Variants in PHF24 observed in about 807,000 individuals in gnomAD.
PHF24 encodes the protein PHD finger protein 24.
PHF24 carries 25 observed loss-of-function variants against 42.6 expected under a neutral mutation model. That is an observed-to-expected ratio of 0.59 (90% CI 0.43 to 0.82). The LOEUF (loss-of-function observed/expected upper bound fraction) is 0.82, where lower values mean the gene tolerates loss of function less well. Ranked by LOEUF, PHF24 falls within the 40% of genes least tolerant of loss-of-function variation. The pLI is 0.00. For missense variants in PHF24, 470 were observed against 538.1 expected (o/e 0.87, Z 1.25); for synonymous variants, 185 against 204.8 (o/e 0.90, Z 0.83).
the PHF24 span, among the ~76,000 whole-genome samples, chr9:34,801,838 T>A: frequency 2.1e-5 from 3 of 143,976 alleles, no homozygotes; most frequent in Non-Finnish European, 4.5e-5. Context: ...ATGTTCTCAC[T>A]CATAAGTGGG....
the PHF24 span, among the ~76,000 whole-genome samples, chr9:34,789,794 C>T: frequency 6.6e-6 from 1 of 152,170 alleles, no homozygotes; most frequent in Non-Finnish European, 1.5e-5. Flanking sequence ...GTGCCATAGT[C>T]AACTATGAGC....
At chr9:34,734,974 A>G in the PHF24 span, among the ~76,000 whole-genome samples, 1 of 152,218 alleles carries the variant, frequency 6.6e-6, no homozygotes, top group Non-Finnish European at 1.5e-5. Context: ...TGACAGTAAC[A>G]TAGCAAGAAC....
the PHF24 span, among the ~76,000 whole-genome samples, chr9:34,670,260 TCAAAA>T: frequency 6.6e-6 from 1 of 152,214 alleles, no homozygotes; most frequent in Non-Finnish European, 1.5e-5. Flanking sequence ...TAGCAAATTA[TCAAAA>T]CTGACGGGTT....
At chr9:34,815,324 T>C in the PHF24 span, among the ~76,000 whole-genome samples, 1 of 25,952 alleles carries the variant, frequency 3.9e-5, no homozygotes, top group Non-Finnish European at 9.9e-5. Flanking sequence ...TCTTTTTTTG[T>C]TTGTTTGTTT....
the PHF24 span, among the ~76,000 whole-genome samples, chr9:34,860,817 A>G: frequency 6.6e-6 from 1 of 152,156 alleles, no homozygotes; most frequent in East Asian, 1.9e-4. Flanking sequence ...ACTGAGCCAC[A>G]TTAGCCCTCC....
At chr9:34,876,475 T>C in the PHF24 span, among the ~76,000 whole-genome samples, 1 of 152,178 alleles carries the variant, frequency 6.6e-6, no homozygotes, top group East Asian at 1.9e-4. Flanking sequence ...AAAAGATCCA[T>C]AGTCAACAAC....
the PHF24 span, among the ~76,000 whole-genome samples, chr9:34,840,852 A>G: frequency 1.3e-5 from 2 of 152,150 alleles, no homozygotes; most frequent in Non-Finnish European, 2.9e-5. Flanking sequence ...CAAACCTTAT[A>G]TAATATAAAT....
At chr9:34,925,992 C>G in the PHF24 span, among the ~76,000 whole-genome samples, 1 of 152,142 alleles carries the variant, frequency 6.6e-6, no homozygotes, top group Non-Finnish European at 1.5e-5. Context: ...ATGGGGTGTA[C>G]TGGCCTTGGT....
chr9:34,699,690 A>T, the PHF24 span, among the ~76,000 whole-genome samples: 2 of 152,210 alleles, frequency 1.3e-5, no homozygotes, highest in Non-Finnish European at 2.9e-5. Context: ...TGAAATAATG[A>T]AATAATAATA....
chr9:34,959,209 A>G (rs1452168728), intron 1 of PHF24, among the ~76,000 whole-genome samples: 3 of 152,232 alleles, frequency 2.0e-5, no homozygotes, highest in Non-Finnish European at 4.4e-5. Context: ...ACCGTGCGGA[A>G]GGAAGCAGTA....
chr9:34,763,750 G>A, the PHF24 span, among the ~76,000 whole-genome samples: 1 of 152,214 alleles, frequency 6.6e-6, no homozygotes, highest in Non-Finnish European at 1.5e-5. Flanking sequence ...TAGGAGTGGT[G>A]AGAGAGGGCA....
chr9:34,821,069 AG>A, the PHF24 span, among the ~76,000 whole-genome samples: 15 of 152,124 alleles, frequency 9.9e-5, no homozygotes, highest in Admixed American at 7.2e-4. Context: ...TTGCCCATAA[AG>A]TGGGCTTCTT....
chr9:34,751,239 C>A, the PHF24 span, among the ~76,000 whole-genome samples: 1 of 152,132 alleles, frequency 6.6e-6, no homozygotes, highest in Non-Finnish European at 1.5e-5. Flanking sequence ...GTGGCAGGTG[C>A]CTATAATTCC....
chr9:34,740,954 C>A, the PHF24 span, among the ~76,000 whole-genome samples: 44,105 of 151,388 alleles, frequency 0.29, 6,869 homozygotes, highest in Admixed American at 0.35. Context: ...GGTGTGATCT[C>A]AGCTCACTGC....
chr9:34,882,605 TGTTC>T, the PHF24 span, among the ~76,000 whole-genome samples: 4 of 150,294 alleles, frequency 2.7e-5, no homozygotes, highest in Non-Finnish European at 5.9e-5. Context: ...AGTGAACTCC[TGTTC>T]ACAATTGCTT....
the PHF24 span, among the ~76,000 whole-genome samples, chr9:34,794,467 A>G: frequency 2.6e-5 from 4 of 152,250 alleles, no homozygotes; most frequent in Admixed American, 6.5e-5. Context: ...CTCAACTTGC[A>G]TAGAAAAATA....
chr9:34,743,432 A>G, the PHF24 span, among the ~76,000 whole-genome samples: 1 of 152,370 alleles, frequency 6.6e-6, no homozygotes, highest in Admixed American at 6.5e-5. Flanking sequence ...AAACATAGTA[A>G]ACCCTAAAGT....
At chr9:34,674,181 G>A in the PHF24 span, among the ~76,000 whole-genome samples, 1 of 152,238 alleles carries the variant, frequency 6.6e-6, no homozygotes, top group African/African-American at 2.4e-5. Context: ...ATACAGATGG[G>A]AAACTAAGAC....
At chr9:34,716,535 T>G in the PHF24 span, among the ~76,000 whole-genome samples, 2 of 151,086 alleles carry the variant, frequency 1.3e-5, no homozygotes, top group South Asian at 4.2e-4. Flanking sequence ...TTAAGTTTTC[T>G]CTCTCTCCTT....
Sources: allele counts gnomAD v4.1 joint callset (sites outside exome capture counted in the v4.1 genomes callset), GRCh38; gene constraint gnomAD v4.1.1; transcripts MANE v1.5; gene names NCBI Gene and HGNC (gene_info 2026-07-23, HGNC 2026-07-21).